NCS1: variants seen among roughly 807,000 people sequenced by gnomAD.
NCS1 encodes frequenin homolog.
In NCS1, 6 loss-of-function variants were observed where a neutral mutation model predicts 28.4. That is an observed-to-expected ratio of 0.21 (90% CI 0.12 to 0.42). NCS1 has a LOEUF of 0.42. Ranked by LOEUF, NCS1 falls within the 10% of genes least tolerant of loss-of-function variation. The pLI, the probability that NCS1 is intolerant of heterozygous loss-of-function variation, is 1.00. For missense variants in NCS1, 131 were observed against 241.4 expected (o/e 0.54, Z 3.03); for synonymous variants, 86 against 99.3 (o/e 0.87, Z 0.79).
chr9:130,236,146 CT>C lies in NCS1; in HGVS notation c.*3177del, dbSNP rs1554913031. On this transcript the variant is annotated 3_prime_UTR_variant, in exon 8 of 8. Coordinates refer to ENST00000372398, the MANE Select transcript of NCS1 (RefSeq NM_014286.4). ...ACAAGTGCACCTGGGGTTTCAGGAA[CT>C]TTGTGTTTTTTCGGAGGGGGTTGGT... is the stretch of plus-strand genomic sequence containing the variant. The C allele has an allele frequency of 6.6e-6, 1 of 152,194 alleles. No homozygotes were observed. Among genetic ancestry groups the C allele is most frequent in the African/African-American group, 2.4e-5 (1 of 41,432 alleles). 9.4% of individuals were successfully genotyped at this position (152,194 alleles called of 1,614,324 possible). A position where few individuals can be genotyped will look rare whatever the true frequency, so the allele number is the denominator to read the frequency against.
At chr9:130,213,056 T>C (rs1211657665) in intron 2 of NCS1, among the ~76,000 whole-genome samples, 2 of 152,144 alleles carry the variant, frequency 1.3e-5, no homozygotes, top group African/African-American at 4.8e-5. Context: ...GGTTACGTAA[T>C]GTTTGGGTAG....
chr9:130,202,027 ATGTTCTCCC>A (rs1832955526), intron 2 of NCS1, among the ~76,000 whole-genome samples: 1 of 152,048 alleles, frequency 6.6e-6, no homozygotes, highest in Non-Finnish European at 1.5e-5. Flanking sequence ...CCATCCGTAC[ATGTTCTCCC>A]TGCCTTCACA....
intron 2 of NCS1, 75 bp from the exon 3 acceptor site, chr9:130,217,757 G>A: frequency 6.2e-7 from 1 of 1,606,694 alleles, no homozygotes; most frequent in Non-Finnish European, 8.5e-7. Context: ...CTGGGCCCCG[G>A]GCAGGCGATG....
At chr9:130,205,084 G>A (rs1009586858) in intron 2 of NCS1, among the ~76,000 whole-genome samples, 1 of 152,160 alleles carries the variant, frequency 6.6e-6, no homozygotes, top group African/African-American at 2.4e-5. Flanking sequence ...TGAGAGCACA[G>A]CAAGGTGGGG....
chr9:130,196,293 T>C (rs1832877730), intron 1 of NCS1, among the ~76,000 whole-genome samples: 1 of 152,212 alleles, frequency 6.6e-6, no homozygotes, highest in South Asian at 2.1e-4. Flanking sequence ...AGAGGAACAT[T>C]GATGTGGTGG....
Position 130,175,574 on chromosome 9 carries a change from T to C in NCS1, c.64+2847T>C, listed in dbSNP as rs1431183558. ...TGGGGGTCCTAGCCCACCTCATGCA[T>C]AGCTGGCCACAGTGCCAAGGGGGCC... is the stretch of plus-strand genomic sequence containing the variant. On this transcript the variant is annotated intron_variant, in intron 1 of 7. Transcript: ENST00000372398. The surrounding 1 kb of genome is among the most constrained non-coding windows in gnomAD (Gnocchi z 4.9). 6.6e-6 allele frequency among the ~76,000 whole-genome samples: 1 copy of C among 152,102 alleles called. No homozygotes were observed. The highest frequency in any genetic ancestry group is 1.5e-5 in the Non-Finnish European group (1 of 68,002).
In NCS1 at chr9:130,195,822, G is replaced by C. The variant is rs553319491; in HGVS notation, c.65-5136G>C. On this transcript the variant is annotated intron_variant, in intron 1 of 7. Coordinates refer to ENST00000372398, the MANE Select transcript of NCS1 (RefSeq NM_014286.4). ...GCACAAAGGCCTGGAGGCTGGAACG[G>C]TCAGAGGAACTCCAGTGGGGTCAGG... Among the ~76,000 whole-genome samples, 55 of 152,348 alleles carry C rather than the reference G, an allele frequency of 3.6e-4. 1 individual carries two copies. The highest frequency in any genetic ancestry group is 1.3e-3 in the African/African-American group (55 of 41,584).
chr9:130,209,742 TG>T lies in NCS1; in HGVS notation c.90-8089del, dbSNP rs1328932139. Among the ~76,000 whole-genome samples, 2 of 152,222 alleles carry T rather than the reference TG, an allele frequency of 1.3e-5. No individual in the cohort carries two copies. Among genetic ancestry groups the T allele is most frequent in the African/African-American group, 4.8e-5 (2 of 41,456 alleles). ...ATGAAATGAGGTTTCTTTTCTCCCC[TG>T]CCCTTTTAAAGAAGTGTAAGAACGC... On this transcript the variant is annotated intron_variant, in intron 2 of 7. Transcript: ENST00000372398. The surrounding 1 kb of genome is among the most constrained non-coding windows in gnomAD (Gnocchi z 4.4).
rs116626137 is a variant in NCS1, at chr9:130,220,088, C to T, written c.307+285C>T. On this transcript the variant is annotated intron_variant, in intron 4 of 7. Coordinates refer to ENST00000372398, the MANE Select transcript of NCS1 (RefSeq NM_014286.4). The stretch of plus-strand genomic sequence containing the variant: ...GAGGCACCGGCAGCAGGAAGGAGCT[C>T]GCTGAGGCAGGTGGACAGGGAGGGC... 3.2e-3 allele frequency among the ~76,000 whole-genome samples: 488 copies of T among 152,244 alleles called. 5 individuals are homozygous for T. Among genetic ancestry groups the T allele is most frequent in the African/African-American group, 0.011 (466 of 41,554 alleles).
chr9:130,178,819 C>A (rs1314692078), intron 1 of NCS1, among the ~76,000 whole-genome samples: 1 of 118,710 alleles, frequency 8.4e-6, no homozygotes, highest in Admixed American at 1.1e-4. Context: ...GAGGAAGACT[C>A]AGTAGGACTT....
At chr9:130,218,699 C>T (rs1279552978) in intron 3 of NCS1, among the ~76,000 whole-genome samples, 4 of 152,024 alleles carry the variant, frequency 2.6e-5, no homozygotes, top group South Asian at 2.1e-4. Context: ...TCAAGCAATT[C>T]CCCTGCCTCA....
intron 2 of NCS1, among the ~76,000 whole-genome samples, chr9:130,202,592 T>C (rs1346857774): frequency 6.6e-6 from 1 of 151,214 alleles, no homozygotes; most frequent in Non-Finnish European, 1.5e-5. Flanking sequence ...TTTTTTTTTT[T>C]TTTGAGTTGG....
intron 2 of NCS1, among the ~76,000 whole-genome samples, chr9:130,203,262 G>A (rs1832982501): frequency 6.6e-6 from 1 of 151,666 alleles, no homozygotes; most frequent in African/African-American, 2.4e-5. Flanking sequence ...TGGAACTACA[G>A]ACATCCACCT....
intron 1 of NCS1, chr9:130,200,540 G>A: frequency 6.4e-7 from 1 of 1,551,014 alleles, no homozygotes. Flanking sequence ...ACATAGGTGG[G>A]GCAGCCGAGT....
At chr9:130,222,799 G>A in intron 5 of NCS1, 61 bp downstream of exon 5, 1 of 1,517,484 alleles carries the variant, frequency 6.6e-7, no homozygotes, top group Non-Finnish European at 9.1e-7. Flanking sequence ...GTGACTGAGA[G>A]ACAGAGAGAG....
At position 130,226,346 on chromosome 9, in the gene NCS1, C is replaced by A; in HGVS notation, c.475-43C>A. 1 of 1,548,326 alleles carries A rather than the reference C, an allele frequency of 6.5e-7. No individual in the cohort carries two copies. On this transcript the variant is annotated intron_variant, in intron 6 of 7. Coordinates refer to ENST00000372398, the MANE Select transcript of NCS1 (RefSeq NM_014286.4). The surrounding 1 kb of genome is among the most constrained non-coding windows in gnomAD (Gnocchi z 4.8). The stretch of plus-strand genomic sequence containing the variant: ...GGGCTGGGCTTGTCTAGAGCCCTCT[C>A]CTGGGAGGCCCTGCACCCTCAGCCG...
At position 130,226,368 on chromosome 9, in the gene NCS1, G is replaced by A. The variant is rs1388609218; in HGVS notation, c.475-21G>A. The stretch of plus-strand genomic sequence containing the variant: ...TCTCCTGGGAGGCCCTGCACCCTCA[G>A]CCGCCTCTCTCTGCTCACAGAATGC... On this transcript the variant is annotated intron_variant, in intron 6 of 7. Transcript: ENST00000372398. This position sits in a 1 kb window ranked among gnomAD's most constrained non-coding sequence, Gnocchi z 4.8. 6.2e-7 allele frequency: 1 copy of A among 1,607,094 alleles called. No individual in the cohort carries two copies. Among genetic ancestry groups the A allele is most frequent in the Non-Finnish European group, 8.5e-7 (1 of 1,174,096 alleles).
chr9:130,205,664 C>T (rs1670586273), intron 2 of NCS1, among the ~76,000 whole-genome samples: 3 of 148,344 alleles, frequency 2.0e-5, no homozygotes, highest in Non-Finnish European at 4.5e-5. Context: ...AAGGTGATCT[C>T]GTCTCTACAA....
In NCS1 at chr9:130,177,765, A is replaced by T. The variant is rs1167809025; in HGVS notation, c.64+5038A>T. 6.6e-6 allele frequency among the ~76,000 whole-genome samples: 1 copy of T among 152,192 alleles called. No individual in the cohort carries two copies. Among genetic ancestry groups the T allele is most frequent in the Non-Finnish European group, 1.5e-5 (1 of 68,040 alleles). On this transcript the variant is annotated intron_variant, in intron 1 of 7. Coordinates refer to ENST00000372398, the MANE Select transcript of NCS1 (RefSeq NM_014286.4). This position sits in a 1 kb window ranked among gnomAD's most constrained non-coding sequence, Gnocchi z 4.4. ...TCAGACCTGCCTTCCAACTCCATGG[A>T]TCTAAACAGGAGAAGCTTTGCAGTC...
Sources: gnomAD v4.1 joint callset for allele counts (sites outside exome capture counted in the v4.1 genomes callset) on GRCh38, gnomAD v4.1.1 for gene constraint, Gnocchi (gnomAD v3.1) non-coding constraint, MANE v1.5 for transcripts, NCBI Gene and HGNC (gene_info 2026-07-23, HGNC 2026-07-21) for gene names.